SOX30: variants seen among roughly 807,000 people sequenced by gnomAD.
SOX30 encodes SRY-box transcription factor 30.
A neutral mutation model predicts 58.6 loss-of-function variants in SOX30; 17 were observed. The ratio of observed to expected loss-of-function variants is 0.29; its 90% confidence interval spans 0.20 to 0.44. The LOEUF (loss-of-function observed/expected upper bound fraction) is 0.44, where lower values mean the gene tolerates loss of function less well. Among genes scored for constraint, SOX30 ranks in the 20% least tolerant of loss-of-function variants. The probability of loss-of-function intolerance (pLI) is 1.00; values close to 1 mark genes in which losing one functional copy is unlikely to be tolerated. For missense variants in SOX30, 951 were observed against 965.8 expected, an observed-to-expected ratio of 0.98 and a Z score of 0.20; for synonymous variants, 421 against 400.2, an observed-to-expected ratio of 1.05 and a Z score of -0.62.
chr5:157,639,284 A>C (rs1180264540), intron 3 of SOX30, among the ~76,000 whole-genome samples: 1 of 152,142 alleles, frequency 6.6e-6, no homozygotes, highest in Non-Finnish European at 1.5e-5. Flanking sequence ...CTGTTTACCT[A>C]AATATATTAA....
chr5:157,651,593 G>A lies in SOX30; in HGVS notation c.486C>T (p.Ala162=). The A allele has an allele frequency of 6.2e-7, 1 of 1,613,178 alleles. No individual in the cohort carries two copies. The highest frequency in any genetic ancestry group is 2.2e-5 in the East Asian group (1 of 44,872). Residue 162 remains alanine (A), a synonymous_variant, in exon 1 of 5, where the codon GCC becomes GCT. Transcript: ENST00000265007. ...PRGAVETGPR[A]SRVVKLEGPG... ...GGCCTTCCAACTTGACCACCCTGGAGGCTCTAGGACCGGTTTCGACGGCCC... is the reference window on the plus strand; with the variant it reads ...GGCCTTCCAACTTGACCACCCTGGAAGCTCTAGGACCGGTTTCGACGGCCC...
upstream of SOX30, among the ~76,000 whole-genome samples, chr5:157,654,824 A>G (rs968313501): frequency 1.3e-5 from 2 of 152,244 alleles, no homozygotes; most frequent in African/African-American, 4.8e-5. Context: ...ATGCCACTGC[A>G]ATGTCAGGAA....
chr5:157,627,290 G>A (rs750457835), intron 4 of SOX30, among the ~76,000 whole-genome samples: 3 of 152,052 alleles, frequency 2.0e-5, no homozygotes, highest in African/African-American at 2.4e-5. Context: ...TTGAACCCAG[G>A]AGGTAGAGGT....
chr5:157,628,365 TCACACACACACACACACACACACA>T (rs70984476), intron 4 of SOX30, among the ~76,000 whole-genome samples: 1 of 139,602 alleles, frequency 7.2e-6, no homozygotes, highest in Non-Finnish European at 1.6e-5. Context: ...TTTCTGGCCT[TCACACACACACACACACACACACA>T]CACACACACA....
At chr5:157,668,806 T>C (rs1228177485) in intron 1 of SOX30, among the ~76,000 whole-genome samples, 1 of 152,066 alleles carries the variant, frequency 6.6e-6, no homozygotes, top group Non-Finnish European at 1.5e-5. Flanking sequence ...ATAGCTGTCT[T>C]GTGCAGATCG....
At chr5:157,645,271 T>C (rs1391702860) in intron 3 of SOX30, among the ~76,000 whole-genome samples, 1 of 152,066 alleles carries the variant, frequency 6.6e-6, no homozygotes, top group Admixed American at 6.6e-5. Context: ...GTTTCCAAGG[T>C]ATCTAAAACT....
At chr5:157,667,939 C>T in intron 1 of SOX30, 1 of 1,385,038 alleles carries the variant, frequency 7.2e-7, no homozygotes, top group South Asian at 1.3e-5. Flanking sequence ...TTCCCCACAA[C>T]AACACTTGTC....
At chr5:157,643,529 T>C (rs888200010) in intron 3 of SOX30, among the ~76,000 whole-genome samples, 19 of 152,156 alleles carry the variant, frequency 1.2e-4, no homozygotes, top group African/African-American at 1.9e-4. Context: ...CAGAGATTTT[T>C]AGAAAATTAA....
chr5:157,653,786 C>T (rs1350618888), upstream of SOX30, among the ~76,000 whole-genome samples: 3 of 152,166 alleles, frequency 2.0e-5, no homozygotes, highest in African/African-American at 7.2e-5. Flanking sequence ...CAAATGTGGT[C>T]AGTAGGAGTT....
rs1759609810 is a variant in SOX30, at chr5:157,663,290, G to A, written c.52+4508C>T. 2.6e-5 allele frequency among the ~76,000 whole-genome samples: 4 copies of A among 152,148 alleles called. No homozygotes were observed. In the South Asian group the frequency reaches 8.3e-4, roughly 31 times the overall value. On this transcript the variant is annotated intron_variant, in intron 2 of 5. Coordinates refer to the SOX30 transcript ENST00000519442. Reference sequence around the variant, plus strand: ...GGCTTCATCCCTGCGATGCAAGACTGGTTCAACATATGCAAATCAATAAAC... The same window carrying A: ...GGCTTCATCCCTGCGATGCAAGACTAGTTCAACATATGCAAATCAATAAAC...
intron 4 of SOX30, among the ~76,000 whole-genome samples, chr5:157,635,256 T>C (rs1758898347): frequency 1.3e-5 from 2 of 152,232 alleles, no homozygotes; most frequent in Non-Finnish European, 2.9e-5. Flanking sequence ...AGTCACTTCA[T>C]TTGGTTCTTC....
Position 157,652,328 on chromosome 5 carries a change from C to G in SOX30, c.-250G>C. On this transcript the variant is annotated 5_prime_UTR_variant, in exon 1 of 5. Transcript: ENST00000265007. ...TCGTGCTGAGTCCTCGAATCACCTG[C>G]CATGGTAGGAGCCGCCGCACTTGTT... The G allele has an allele frequency of 8.2e-7, 1 of 1,216,992 alleles. No individual in the cohort carries two copies. Among genetic ancestry groups the G allele is most frequent in the South Asian group, 4.2e-5 (1 of 23,978 alleles). The allele number at this position is 1,216,992 out of a possible 1,614,324, so 75.4% of individuals were successfully genotyped here.
At chr5:157,634,666 A>G (rs1209986453) in intron 4 of SOX30, among the ~76,000 whole-genome samples, 2 of 151,898 alleles carry the variant, frequency 1.3e-5, no homozygotes, top group Non-Finnish European at 2.9e-5. Flanking sequence ...AAGGAAATAT[A>G]TATATAGTTT....
intron 3 of SOX30, among the ~76,000 whole-genome samples, chr5:157,640,364 G>A (rs1024160049): frequency 6.6e-6 from 1 of 152,132 alleles, no homozygotes; most frequent in Non-Finnish European, 1.5e-5. Flanking sequence ...ATAAAAGGAG[G>A]ATGCTGGCAT....
chr5:157,667,765 C>CATACAT lies in SOX30; in HGVS notation c.52+32_52+33insATGTAT, dbSNP rs201558210. On this transcript the variant is annotated intron_variant, in intron 2 of 5. Transcript: ENST00000519442. ...GAATACATACATACATACATACATA[C>CATACAT]ACACACACACACACACACACACACA... is the stretch of plus-strand genomic sequence containing the variant. 5.3e-3 allele frequency: 1,793 copies of CATACAT among 336,400 alleles called. 8 individuals are homozygous for CATACAT. In the African/African-American group the frequency reaches 0.087, roughly 16 times the overall value. The allele number at this position is 336,400 out of a possible 1,614,324, so 20.8% of individuals were successfully genotyped here.
intron 1 of SOX30, chr5:157,671,315 G>T (rs1005682446): frequency 4.7e-6 from 2 of 424,924 alleles, no homozygotes; most frequent in Non-Finnish European, 8.4e-6. Context: ...AGCGGAAAAG[G>T]TCTGCTCAGC....
At chr5:157,628,149 C>CA (rs879343782) in intron 4 of SOX30, among the ~76,000 whole-genome samples, 5 of 151,410 alleles carry the variant, frequency 3.3e-5, no homozygotes, top group African/African-American at 9.7e-5. Context: ...ACCCCCATCT[C>CA]AAAAAAAAAT....
chr5:157,631,021 TTA>T (rs565609009), intron 4 of SOX30, among the ~76,000 whole-genome samples: 8 of 114,058 alleles, frequency 7.0e-5, no homozygotes, highest in South Asian at 2.5e-4. Flanking sequence ...ACTATATATT[TTA>T]TATATATATA....
At chr5:157,632,047 TAAAA>T (rs570172679) in intron 4 of SOX30, among the ~76,000 whole-genome samples, 1,340 of 56,340 alleles carry the variant, frequency 0.024, 4 homozygotes, top group African/African-American at 0.035. Flanking sequence ...ACCCCGTAAC[TAAAA>T]AAAAAAAAAA....
Sources: allele counts gnomAD v4.1 joint callset (sites outside exome capture counted in the v4.1 genomes callset), GRCh38; gene constraint gnomAD v4.1.1; transcripts MANE v1.5; gene names NCBI Gene and HGNC (gene_info 2026-07-23, HGNC 2026-07-21).